TANC1: variants seen among roughly 807,000 people sequenced by gnomAD.
TANC1 encodes tetratricopeptide repeat, ankyrin repeat and coiled-coil containing 1.
A neutral mutation model predicts 149.7 loss-of-function variants in TANC1; 77 were observed. That is an observed-to-expected ratio of 0.51 (90% confidence interval 0.43 to 0.62). The LOEUF is 0.62. TANC1 is among the 20% of genes least tolerant of loss of function. The probability of loss-of-function intolerance (pLI) is 0.00; values close to 1 mark genes in which losing one functional copy is unlikely to be tolerated. For missense variants in TANC1, 1,985 were observed against 2,321.8 expected (o/e 0.85, Z 2.98); for synonymous variants, 854 against 925.0 (o/e 0.92, Z 1.39).
In TANC1 at chr2:159,230,146, C is replaced by A; in HGVS notation, c.4720C>A (p.Pro1574Thr). The A allele has an allele frequency of 1.2e-6, 2 of 1,613,992 alleles. No individual in the cohort carries two copies. The highest frequency in any genetic ancestry group is 2.2e-5 in the South Asian group (2 of 91,078). Reference protein sequence around the residue: ...SPMPGRIAATPAGSRTQHLEG... With the variant: ...SPMPGRIAATTAGSRTQHLEG... ...CATGCCAGGGAGAATCGCTGCCACT[C>A]CTGCTGGGAGCAGAACCCAGCATTT... is the stretch of plus-strand genomic sequence containing the variant. The change falls in exon 27 of 27, where the codon CCT becomes ACT. Residue 1574 changes from proline to threonine, a missense_variant. Pro to Thr is a conservative substitution (Grantham distance 38). Transcript: ENST00000263635. The surrounding 1 kb of genome is among the most constrained non-coding windows in gnomAD (Gnocchi z 4.4).
At chr2:158,974,323 G>T (rs1454981998) in intron 1 of TANC1, among the ~76,000 whole-genome samples, 2 of 152,232 alleles carry the variant, frequency 1.3e-5, no homozygotes, top group African/African-American at 4.8e-5. Context: ...ACCTATGGAA[G>T]ATTGGTTCCA....
At chr2:159,022,511 T>C (rs1271583840) in intron 2 of TANC1, among the ~76,000 whole-genome samples, 1 of 152,012 alleles carries the variant, frequency 6.6e-6, no homozygotes, top group African/African-American at 2.4e-5. Flanking sequence ...TTTGGGAAGC[T>C]GAGGTGGGCG....
intron 4 of TANC1, among the ~76,000 whole-genome samples, chr2:159,131,465 C>T (rs953187244): frequency 1.3e-5 from 2 of 152,128 alleles, no homozygotes; most frequent in African/African-American, 4.8e-5. Context: ...GATGGGCCTG[C>T]TGTCACCGAG....
At chr2:159,016,341 C>T (rs2038263356) in intron 2 of TANC1, among the ~76,000 whole-genome samples, 1 of 152,182 alleles carries the variant, frequency 6.6e-6, no homozygotes, top group Non-Finnish European at 1.5e-5. Context: ...AATTATCTCC[C>T]ACTGAGTCTC....
intron 1 of TANC1, among the ~76,000 whole-genome samples, chr2:158,989,439 T>C (rs1358046731): frequency 1.3e-5 from 2 of 151,278 alleles, no homozygotes; most frequent in African/African-American, 4.9e-5. Context: ...ACCTCATCTC[T>C]ACTAAAAGTT....
At chr2:159,135,140 C>T (rs1442252543) in intron 4 of TANC1, among the ~76,000 whole-genome samples, 2 of 152,176 alleles carry the variant, frequency 1.3e-5, no homozygotes, top group African/African-American at 4.8e-5. Flanking sequence ...CCCTGGCAAC[C>T]ATTTATACTT....
intron 1 of TANC1, among the ~76,000 whole-genome samples, chr2:158,995,695 T>C (rs1317950102): frequency 6.6e-6 from 1 of 152,206 alleles, no homozygotes; most frequent in Non-Finnish European, 1.5e-5. Flanking sequence ...TCTATTTAAA[T>C]CTTTCCTGTT....
chr2:159,228,742 C>T lies in TANC1; in HGVS notation c.4051-54C>T, dbSNP rs551975249. 1.8e-5 allele frequency: 24 copies of T among 1,341,116 alleles called. No individual in the cohort carries two copies. In the African/African-American group the frequency reaches 2.3e-4, roughly 13 times the overall value. 83.1% of individuals were successfully genotyped at this position (1,341,116 alleles called of 1,614,324 possible). A position where few individuals can be genotyped will look rare whatever the true frequency, so the allele number is the denominator to read the frequency against. Reference sequence around the variant, plus strand: ...TTTAGAACAAAACTAGACGGGCTTCCCACAATCGTGTGTCCAGGCTGCTTC... The same window carrying T: ...TTTAGAACAAAACTAGACGGGCTTCTCACAATCGTGTGTCCAGGCTGCTTC... On this transcript the variant is annotated intron_variant, in intron 25 of 26. Transcript: ENST00000263635.
chr2:159,098,775 C>A (rs1037651791), intron 4 of TANC1, among the ~76,000 whole-genome samples: 1 of 151,862 alleles, frequency 6.6e-6, no homozygotes, highest in African/African-American at 2.4e-5. Context: ...TTATGATTCA[C>A]ATGTGAGGAA....
intron 3 of TANC1, among the ~76,000 whole-genome samples, chr2:159,089,031 C>A (rs2045256006): frequency 6.6e-6 from 1 of 152,086 alleles, no homozygotes; most frequent in Non-Finnish European, 1.5e-5. Context: ...TGCAATCAGC[C>A]AGGTTTTACT....
At chr2:159,021,117 G>C (rs190836669) in intron 2 of TANC1, among the ~76,000 whole-genome samples, 16 of 152,152 alleles carry the variant, frequency 1.1e-4, no homozygotes, top group Admixed American at 4.6e-4. Context: ...CTGTGGCCAA[G>C]AAAAGACCGT....
At position 159,115,171 on chromosome 2, in the gene TANC1, GGTGTGTGTGTGTGT is replaced by G. The variant is rs68140748; in HGVS notation, c.259+17350_259+17363del. Among the ~76,000 whole-genome samples, 211 of 149,716 alleles carry G rather than the reference GGTGTGTGTGTGTGT, an allele frequency of 1.4e-3. 1 individual carries two copies. The highest frequency in any genetic ancestry group is 4.8e-3 in the African/African-American group (196 of 40,780). ...GACTCTCCTTTCGGAAGCTGGTAAG[GGTGTGTGTGTGTGT>G]GTGTGTGTGTGTATGTGTGTCCGTG... On this transcript the variant is annotated intron_variant, in intron 4 of 26. Transcript: ENST00000263635.
intron 4 of TANC1, among the ~76,000 whole-genome samples, chr2:159,115,869 C>T (rs1263896254): frequency 6.6e-6 from 1 of 152,050 alleles, no homozygotes; most frequent in East Asian, 1.9e-4. Flanking sequence ...GAATTTCAGC[C>T]CTCGTTGGTC....
chr2:159,136,686 C>T (rs970450981), intron 5 of TANC1, among the ~76,000 whole-genome samples: 2 of 146,024 alleles, frequency 1.4e-5, no homozygotes, highest in African/African-American at 5.1e-5. Context: ...CTTAACTGGA[C>T]AAAGCATGTA....
intron 5 of TANC1, chr2:159,147,604 C>T (rs1459650834): frequency 6.6e-6 from 1 of 152,414 alleles, no homozygotes; most frequent in Non-Finnish European, 1.5e-5. Context: ...GTCGACCCGC[C>T]CTGGGGTGGC....
At chr2:158,969,472 A>C (rs2032505368) in intron 1 of TANC1, among the ~76,000 whole-genome samples, 1 of 152,190 alleles carries the variant, frequency 6.6e-6, no homozygotes, top group Non-Finnish European at 1.5e-5. Context: ...GGCGCTGAGA[A>C]GAGCGGTAAT....
At chr2:159,223,233 A>AC (rs1222226976) in intron 22 of TANC1, among the ~76,000 whole-genome samples, 4 of 152,086 alleles carry the variant, frequency 2.6e-5, no homozygotes, top group Admixed American at 2.0e-4. Flanking sequence ...AGCTGGACAG[A>AC]CAGGTGCTTG....
intron 4 of TANC1, among the ~76,000 whole-genome samples, chr2:159,105,184 C>T (rs1285572118): frequency 4.7e-5 from 7 of 150,322 alleles, no homozygotes; most frequent in East Asian, 2.0e-4. Flanking sequence ...TTAGTAGAGA[C>T]GGGGTTTCAC....
At chr2:159,136,160 A>G (rs997649281) in intron 4 of TANC1, 34 bp from the exon 5 acceptor site, 1 of 1,308,058 alleles carries the variant, frequency 7.6e-7, no homozygotes, top group African/African-American at 1.4e-5. Context: ...GCATCTGGAA[A>G]AAATTAGCCA....
Sources: allele counts gnomAD v4.1 joint callset (sites outside exome capture counted in the v4.1 genomes callset), GRCh38; gene constraint gnomAD v4.1.1; non-coding constraint Gnocchi (gnomAD v3.1); transcripts MANE v1.5; gene names NCBI Gene and HGNC (gene_info 2026-07-23, HGNC 2026-07-21).